Variants in KCNMA1 observed in about 807,000 individuals in gnomAD.
KCNMA1 encodes Calcium-activated potassium channel subunit alpha-1.
KCNMA1 carries 29 observed loss-of-function variants against 140.0 expected under a neutral mutation model. The observed-to-expected ratio is 0.21, with a 90% CI of 0.15 to 0.28. The LOEUF (loss-of-function observed/expected upper bound fraction) is 0.28, where lower values mean the gene tolerates loss of function less well. Among genes scored for constraint, KCNMA1 ranks in the 10% least tolerant of loss-of-function variants. The probability of loss-of-function intolerance (pLI) is 1.00; values close to 1 mark genes in which losing one functional copy is unlikely to be tolerated. For missense variants in KCNMA1, 880 were observed against 1,602.2 expected (o/e 0.55, Z 7.70); for synonymous variants, 612 against 611.9 (o/e 1.00, Z 0.00).
chr10:77,080,656 G>A (rs904095527), intron 12 of KCNMA1, among the ~76,000 whole-genome samples: 4 of 152,116 alleles, frequency 2.6e-5, no homozygotes, highest in Non-Finnish European at 5.9e-5. Flanking sequence ...TGTGCGTACT[G>A]GGGAGTAGGG....
intron 2 of KCNMA1, among the ~76,000 whole-genome samples, chr10:77,371,442 G>T (rs2094709492): frequency 6.6e-6 from 1 of 152,128 alleles, no homozygotes; most frequent in Non-Finnish European, 1.5e-5. Flanking sequence ...CCATGCATGG[G>T]TCAGCAGTCT....
At chr10:77,412,078 GC>G (rs974322490) in intron 1 of KCNMA1, among the ~76,000 whole-genome samples, 4 of 152,212 alleles carry the variant, frequency 2.6e-5, no homozygotes, top group African/African-American at 9.6e-5. Flanking sequence ...GATCAGGTTA[GC>G]ACAAAACCAT....
chr10:76,883,712 T>G (rs985962097), downstream of KCNMA1, among the ~76,000 whole-genome samples: 2 of 145,316 alleles, frequency 1.4e-5, no homozygotes, highest in Non-Finnish European at 3.0e-5. Flanking sequence ...TTTCTACCCT[T>G]ACTTCCTTGT....
At chr10:76,996,772 T>C (rs1182714920) in intron 19 of KCNMA1, among the ~76,000 whole-genome samples, 2 of 152,146 alleles carry the variant, frequency 1.3e-5, no homozygotes, top group African/African-American at 4.8e-5. Flanking sequence ...TTTTTCTCAC[T>C]GGTAGTGGTG....
chr10:77,312,476 A>G (rs932764990), intron 2 of KCNMA1, among the ~76,000 whole-genome samples: 9 of 152,174 alleles, frequency 5.9e-5, no homozygotes, highest in African/African-American at 2.4e-5. Flanking sequence ...AGATACAAAA[A>G]ATAACTGGGA....
At chr10:77,429,429 T>C (rs1290431763) in intron 1 of KCNMA1, among the ~76,000 whole-genome samples, 1 of 152,116 alleles carries the variant, frequency 6.6e-6, no homozygotes, top group Non-Finnish European at 1.5e-5. Flanking sequence ...AACTAAAATG[T>C]CTCCCAACAT....
intron 2 of KCNMA1, among the ~76,000 whole-genome samples, chr10:77,402,439 C>G (rs569238184): frequency 2.6e-5 from 4 of 152,274 alleles, no homozygotes; most frequent in African/African-American, 9.6e-5. Flanking sequence ...TTAAATGTCC[C>G]CTCTTTCCAT....
intron 1 of KCNMA1, among the ~76,000 whole-genome samples, chr10:77,533,484 G>A (rs979702581): frequency 1.3e-5 from 2 of 152,144 alleles, no homozygotes; most frequent in Non-Finnish European, 2.9e-5. Context: ...GGCATCCCGG[G>A]AGGAGGAACA....
chr10:77,464,556 C>T (rs2097944844), intron 1 of KCNMA1, among the ~76,000 whole-genome samples: 1 of 152,114 alleles, frequency 6.6e-6, no homozygotes, highest in South Asian at 2.1e-4. Flanking sequence ...AATCCCTGGT[C>T]TGGTGTTACC....
At chr10:76,948,505 C>A (rs192016917) in intron 22 of KCNMA1, among the ~76,000 whole-genome samples, 92 of 152,312 alleles carry the variant, frequency 6.0e-4, no homozygotes, top group African/African-American at 2.1e-3. Flanking sequence ...CCCATATCCT[C>A]ACACTAAATT....
At chr10:76,905,522 T>C (rs923429176) in intron 25 of KCNMA1, among the ~76,000 whole-genome samples, 6 of 152,220 alleles carry the variant, frequency 3.9e-5, no homozygotes, top group Admixed American at 1.3e-4. Context: ...TTGATTGCCT[T>C]CCTGTCTACC....
chr10:77,087,453 C>T (rs748553651), intron 10 of KCNMA1, among the ~76,000 whole-genome samples: 3 of 152,146 alleles, frequency 2.0e-5, no homozygotes, highest in South Asian at 2.1e-4. Context: ...AAGGATTAGC[C>T]GAAGGTTCCC....
intron 16 of KCNMA1, among the ~76,000 whole-genome samples, chr10:77,024,740 T>C (rs758392423): frequency 1.2e-4 from 18 of 152,258 alleles, no homozygotes; most frequent in Non-Finnish European, 2.1e-4. Flanking sequence ...ACTAACTCTG[T>C]AAATCAAGTG....
chr10:77,604,673 C>T (rs1207061310), intron 1 of KCNMA1, among the ~76,000 whole-genome samples: 1 of 152,096 alleles, frequency 6.6e-6, no homozygotes, highest in African/African-American at 2.4e-5. Flanking sequence ...CACAACAGAG[C>T]AAAACCCCAT....
chr10:77,075,986 C>G (rs891735297), intron 13 of KCNMA1, among the ~76,000 whole-genome samples: 1 of 152,148 alleles, frequency 6.6e-6, no homozygotes, highest in African/African-American at 2.4e-5. Context: ...TCTGCTACTT[C>G]ACCACCCCTC....
At position 77,197,483 on chromosome 10, in the gene KCNMA1, T is replaced by C. The variant is rs150815531; in HGVS notation, c.603-12567A>G. Reference sequence around the variant, plus strand: ...TAAAAACGGGAGATTTATCTCTCTCTTTTCCAATGTCCTAGTCTTGAATTT... The same window carrying C: ...TAAAAACGGGAGATTTATCTCTCTCCTTTCCAATGTCCTAGTCTTGAATTT... On this transcript the variant is annotated intron_variant, in intron 3 of 27. Coordinates refer to ENST00000286628, the MANE Select transcript of KCNMA1 (RefSeq NM_001161352.2). 1.1e-3 allele frequency among the ~76,000 whole-genome samples: 172 copies of C among 152,340 alleles called. 2 individuals are homozygous for C. Among genetic ancestry groups the C allele is most frequent in the African/African-American group, 3.7e-3 (153 of 41,582 alleles).
intron 5 of KCNMA1, among the ~76,000 whole-genome samples, chr10:77,157,260 T>C (rs2098498667): frequency 6.6e-6 from 1 of 152,132 alleles, no homozygotes; most frequent in Admixed American, 6.6e-5. Flanking sequence ...GCCAACATGG[T>C]GAAACCCTGT....
intron 1 of KCNMA1, among the ~76,000 whole-genome samples, chr10:77,447,865 C>A (rs1165339925): frequency 2.0e-5 from 3 of 152,236 alleles, no homozygotes; most frequent in Non-Finnish European, 2.9e-5. Flanking sequence ...GATGGCATGA[C>A]ACCACTGTAA....
chr10:77,051,762 A>G (rs76070560), intron 14 of KCNMA1, among the ~76,000 whole-genome samples: 1 of 152,194 alleles, frequency 6.6e-6, no homozygotes, highest in South Asian at 2.1e-4. Context: ...GCCAAGGAGC[A>G]TAACCTCTCC....
Sources: gnomAD v4.1 joint callset for allele counts (sites outside exome capture counted in the v4.1 genomes callset) on GRCh38, gnomAD v4.1.1 for gene constraint, MANE v1.5 for transcripts, NCBI Gene and HGNC (gene_info 2026-07-23, HGNC 2026-07-21) for gene names.